Variants in HTT observed in about 807,000 individuals in gnomAD.
HTT encodes the protein huntington disease protein.
Under a neutral mutation model 362.3 loss-of-function variants are expected in HTT, and 104 were observed. The observed-to-expected ratio is 0.29, with a 90% CI of 0.24 to 0.34. HTT has a LOEUF of 0.34. Among genes scored for constraint, HTT ranks in the 10% least tolerant of loss-of-function variants. The pLI, the probability that HTT is intolerant of heterozygous loss-of-function variation, is 1.00. For synonymous variants in HTT, 1,577 were observed against 1,548.7 expected, an observed-to-expected ratio of 1.02 and a Z score of -0.43; for missense variants, 3,301 against 3,928.6, an observed-to-expected ratio of 0.84 and a Z score of 4.27.
chr4:3,192,706 A>T (rs747995093), intron 40 of HTT, among the ~76,000 whole-genome samples: 1 of 152,260 alleles, frequency 6.6e-6, no homozygotes, highest in Non-Finnish European at 1.5e-5. Flanking sequence ...AACAGAAATG[A>T]TAACAAGTAG....
At chr4:3,120,360 A>G (rs1016464093) in intron 8 of HTT, among the ~76,000 whole-genome samples, 1 of 152,164 alleles carries the variant, frequency 6.6e-6, no homozygotes, top group Non-Finnish European at 1.5e-5. Context: ...TTTATCTGGC[A>G]ACTGTAATTA....
intron 33 of HTT, 112 bp downstream of exon 33, chr4:3,175,219 C>G: frequency 2.0e-6 from 2 of 998,586 alleles, no homozygotes; most frequent in Non-Finnish European, 3.0e-6. Context: ...TTTCCCTCAT[C>G]AGTTGCTGCT....
At chr4:3,106,562 G>T in intron 5 of HTT, among the ~76,000 whole-genome samples, 1 of 152,110 alleles carries the variant, frequency 6.6e-6, no homozygotes, top group Non-Finnish European at 1.5e-5. Flanking sequence ...TTAAACTCTT[G>T]TACCCATTTC....
intron 65 of HTT, 72 bp from the exon 66 acceptor site, chr4:3,238,746 C>CA: frequency 3.4e-6 from 4 of 1,178,178 alleles, no homozygotes; most frequent in Non-Finnish European, 4.8e-6. Flanking sequence ...ACCCCACCCC[C>CA]GCCACCCAGG....
intron 8 of HTT, 117 bp downstream of exon 8, chr4:3,116,380 C>A: frequency 3.5e-6 from 3 of 853,904 alleles, no homozygotes; most frequent in African/African-American, 1.7e-5. Flanking sequence ...TCTGGAGCTG[C>A]GCTGCTCGTT....
intron 12 of HTT, among the ~76,000 whole-genome samples, chr4:3,128,046 C>T (rs1484603947): frequency 1.3e-5 from 2 of 152,122 alleles, no homozygotes; most frequent in Admixed American, 1.3e-4. Flanking sequence ...GATTCTCCCG[C>T]CTCAGCCTCC....
chr4:3,114,864 G>A (rs1032504544), intron 6 of HTT, among the ~76,000 whole-genome samples: 3 of 152,172 alleles, frequency 2.0e-5, no homozygotes, highest in South Asian at 2.1e-4. Flanking sequence ...AGATATTTCC[G>A]ATCGAAGATG....
In HTT at chr4:3,215,180, G is replaced by A. The variant is rs756424250; in HGVS notation, c.7023G>A (p.Glu2341=). 24 of 1,601,692 alleles carry A rather than the reference G, an allele frequency of 1.5e-5. No homozygotes were observed. Among genetic ancestry groups the A allele is most frequent in the Admixed American group, 1.0e-4 (6 of 59,622 alleles). Residue 2341 remains glutamate (E), a synonymous_variant, in exon 51 of 67, where the codon GAG becomes GAA. Coordinates refer to ENST00000355072, the MANE Select transcript of HTT (RefSeq NM_001388492.1). ...RRTNTPKAIS[E]EEEEVDPNTQ... is the part of the protein sequence containing the mutation. ...CAAATACCCCAAAAGCCATCAGCGAGGAGGAGGAGGAAGTAGATCCAAACA... is the reference window on the plus strand; with the variant it reads ...CAAATACCCCAAAAGCCATCAGCGAAGAGGAGGAGGAAGTAGATCCAAACA...
At chr4:3,154,442 G>C (rs530092857) in intron 27 of HTT, 23 bp downstream of exon 27, 1 of 1,611,140 alleles carries the variant, frequency 6.2e-7, no homozygotes, top group East Asian at 2.2e-5. Flanking sequence ...GTGGGGAAGG[G>C]AGGGACATGA....
chr4:3,140,404 C>A, intron 21 of HTT, 106 bp from the exon 22 acceptor site: 1 of 904,940 alleles, frequency 1.1e-6, no homozygotes, highest in Non-Finnish European at 1.7e-6. Flanking sequence ...GTGGTGTCCG[C>A]TGGTAACCAG....
rs1230977589 is a variant in HTT at position 3,132,617 on chromosome 4, T to G, written c.2292T>G (p.Val764=). ...LNYIDHGDPQ[V]RGATAILCGT... ...ACATCGATCATGGAGACCCACAGGT[T>G]CGAGGAGCCACTGCCATTCTCTGTG... The change falls in exon 17 of 67, where the codon GTT becomes GTG. Residue 764 remains valine (V), a synonymous_variant. Transcript: ENST00000355072. The G allele has an allele frequency of 6.2e-7, 1 of 1,613,964 alleles. No homozygotes were observed. Among genetic ancestry groups the G allele is most frequent in the Non-Finnish European group, 8.5e-7 (1 of 1,179,824 alleles).
chr4:3,228,627 T>TC lies in HTT; in HGVS notation c.7863dup (p.Val2622ArgfsTer46). 1 of 1,579,888 alleles carries TC rather than the reference T, an allele frequency of 6.3e-7. No individual in the cohort carries two copies. Among genetic ancestry groups the TC allele is most frequent in the Non-Finnish European group, 8.6e-7 (1 of 1,163,824 alleles). On this transcript the variant is annotated frameshift_variant, in exon 58 of 67. Transcript: ENST00000355072. LOFTEE classifies it high-confidence loss of function. The surrounding 1 kb of genome is among the most constrained non-coding windows in gnomAD (Gnocchi z 4.3). ...GTTTCTGTGGCAGGTGTCCATACAC[T>TC]CCGTGTGGCTGGGGAACAGCATCAC... is the stretch of plus-strand genomic sequence containing the variant.
At position 3,228,029 on chromosome 4, in the gene HTT, A is replaced by G. The variant is rs1721002704; in HGVS notation, c.7849-586A>G. 6.6e-6 allele frequency among the ~76,000 whole-genome samples: 1 copy of G among 152,182 alleles called. No homozygotes were observed. Among genetic ancestry groups the G allele is most frequent in the Admixed American group, 6.5e-5 (1 of 15,284 alleles). ...AGGGGGGAAATGGCCCTTGGTGCCAAGAACGTGAGTTGGGGCTAGTGCCAG... is the reference window on the plus strand; with the variant it reads ...AGGGGGGAAATGGCCCTTGGTGCCAGGAACGTGAGTTGGGGCTAGTGCCAG... On this transcript the variant is annotated intron_variant, in intron 57 of 66. Transcript: ENST00000355072. This position sits in a 1 kb window ranked among gnomAD's most constrained non-coding sequence, Gnocchi z 4.3.
rs528567947 is a variant in HTT at position 3,184,018 on chromosome 4, A to G, written c.4866+1548A>G. On this transcript the variant is annotated intron_variant, in intron 37 of 66. Transcript: ENST00000355072. ...TTGGGATGCGGGTAAGGGGACAGAC[A>G]ATAGAAAAGCAAGTGAGTGAAGTCT... is the stretch of plus-strand genomic sequence containing the variant. Among the ~76,000 whole-genome samples the G allele has an allele frequency of 3.9e-5, 6 of 152,094 alleles. No homozygotes were observed. The East Asian group carries it at 1.2e-3, about 29-fold the overall frequency.
At chr4:3,076,455 C>T (rs762525632) in intron 1 of HTT, among the ~76,000 whole-genome samples, 2 of 152,054 alleles carry the variant, frequency 1.3e-5, no homozygotes, top group Non-Finnish European at 2.9e-5. Flanking sequence ...GAAAATGATT[C>T]GGAGAGCAGT....
chr4:3,130,123 C>G (rs1162804850), intron 13 of HTT, 76 bp downstream of exon 13: 4 of 1,424,302 alleles, frequency 2.8e-6, no homozygotes, highest in Non-Finnish European at 3.8e-6. Flanking sequence ...TCTTTGCTTC[C>G]AAGAAGAAGT....
chr4:3,150,243 T>G (rs1317493952), intron 26 of HTT, among the ~76,000 whole-genome samples: 1 of 152,216 alleles, frequency 6.6e-6, no homozygotes, highest in Non-Finnish European at 1.5e-5. Context: ...TAAACACATA[T>G]AGCTGTTGAG....
intron 1 of HTT, among the ~76,000 whole-genome samples, chr4:3,083,530 T>TACACAC (rs56210756): frequency 1.2e-4 from 15 of 125,218 alleles, no homozygotes; most frequent in East Asian, 5.2e-4. Context: ...TCTCTAAATA[T>TACACAC]ACACACACAC....
chr4:3,203,183 A>G (rs1466704887), intron 41 of HTT: 1 of 152,242 alleles, frequency 6.6e-6, no homozygotes, highest in African/African-American at 2.4e-5. Context: ...CAGTTGGGAA[A>G]CAGAGAAAAG....
Sources: allele counts gnomAD v4.1 joint callset (sites outside exome capture counted in the v4.1 genomes callset), GRCh38; gene constraint gnomAD v4.1.1; non-coding constraint Gnocchi (gnomAD v3.1); transcripts MANE v1.5; gene names NCBI Gene and HGNC (gene_info 2026-07-23, HGNC 2026-07-21).